Variants in PDK1 observed in about 807,000 individuals in gnomAD.
PDK1 encodes the protein pyruvate dehydrogenase kinase 1.
Under a neutral mutation model 54.2 loss-of-function variants are expected in PDK1, and 39 were observed. That is an observed-to-expected ratio of 0.72 (90% confidence interval 0.56 to 0.94). The LOEUF is 0.94. Among genes scored for constraint, PDK1 ranks in the 40% least tolerant of loss-of-function variants. The pLI is 0.00. For synonymous variants in PDK1, 221 were observed against 207.1 expected, an observed-to-expected ratio of 1.07 and a Z score of -0.58; for missense variants, 552 against 566.0, an observed-to-expected ratio of 0.98 and a Z score of 0.25.
chr2:172,704,629 A>C, the PDK1 span, among the ~76,000 whole-genome samples: 1 of 152,206 alleles, frequency 6.6e-6, no homozygotes, highest in Non-Finnish European at 1.5e-5. Context: ...GTCTTTAAAA[A>C]TGCCATGCTC....
the PDK1 span, among the ~76,000 whole-genome samples, chr2:172,684,880 T>C: frequency 1.3e-5 from 2 of 152,184 alleles, no homozygotes; most frequent in Non-Finnish European, 2.9e-5. Context: ...TCATCTTGAA[T>C]TGTAATTCCC....
intron 8 of PDK1, among the ~76,000 whole-genome samples, chr2:172,585,191 G>GTCT (rs1690150132): frequency 6.6e-6 from 1 of 151,418 alleles, no homozygotes; most frequent in African/African-American, 2.4e-5. Context: ...TAGCGATGGG[G>GTCT]TCTTACTCTG....
At chr2:172,590,531 G>A (rs933400638) in intron 9 of PDK1, among the ~76,000 whole-genome samples, 1 of 152,158 alleles carries the variant, frequency 6.6e-6, no homozygotes, top group South Asian at 2.1e-4. Context: ...GGAGTTGTTT[G>A]TTCCTCCTGG....
At chr2:172,656,378 A>G in the PDK1 span, among the ~76,000 whole-genome samples, 1 of 152,152 alleles carries the variant, frequency 6.6e-6, no homozygotes, top group Non-Finnish European at 1.5e-5. Context: ...CAGTCCTATG[A>G]TTAAGTCTCA....
At chr2:172,574,191 T>C (rs1369110790) in intron 8 of PDK1, among the ~76,000 whole-genome samples, 1 of 152,240 alleles carries the variant, frequency 6.6e-6, no homozygotes, top group Non-Finnish European at 1.5e-5. Flanking sequence ...AAACCTATTC[T>C]TTCCCCATTC....
At chr2:172,624,972 G>A in the PDK1 span, among the ~76,000 whole-genome samples, 75 of 151,622 alleles carry the variant, frequency 4.9e-4, no homozygotes, top group African/African-American at 1.3e-3. Context: ...TGGGCAACAA[G>A]AGTGAAACTC....
chr2:172,689,053 GT>G, the PDK1 span, among the ~76,000 whole-genome samples: 5 of 152,210 alleles, frequency 3.3e-5, no homozygotes, highest in Admixed American at 2.6e-4. Flanking sequence ...GGACCCGAGT[GT>G]GTTGCCACTG....
At chr2:172,693,191 G>A in the PDK1 span, among the ~76,000 whole-genome samples, 3 of 152,244 alleles carry the variant, frequency 2.0e-5, no homozygotes, top group Non-Finnish European at 4.4e-5. Context: ...GTGGTGATAG[G>A]AAAAATACAT....
intron 8 of PDK1, among the ~76,000 whole-genome samples, chr2:172,573,598 CTATA>C (rs1689411849): frequency 6.7e-6 from 1 of 149,782 alleles, no homozygotes; most frequent in Non-Finnish European, 1.5e-5. Context: ...TATATACACC[CTATA>C]TATATTCTAT....
chr2:172,695,101 G>C, the PDK1 span, among the ~76,000 whole-genome samples: 1 of 152,206 alleles, frequency 6.6e-6, no homozygotes, highest in South Asian at 2.1e-4. Context: ...CTGGGTGACA[G>C]AGTGAGACCC....
At chr2:172,592,073 G>C (rs967923900) in intron 9 of PDK1, among the ~76,000 whole-genome samples, 4 of 152,196 alleles carry the variant, frequency 2.6e-5, no homozygotes, top group African/African-American at 9.7e-5. Context: ...TTCAGATTTA[G>C]ATCCCCTGTT....
At chr2:172,614,183 C>A in the PDK1 span, among the ~76,000 whole-genome samples, 1 of 150,002 alleles carries the variant, frequency 6.7e-6, no homozygotes, top group Non-Finnish European at 1.5e-5. Context: ...CCCCCCCCCC[C>A]AACCCCCATC....
At chr2:172,579,833 CTG>C (rs1689799176) in intron 8 of PDK1, among the ~76,000 whole-genome samples, 1 of 151,400 alleles carries the variant, frequency 6.6e-6, no homozygotes, top group South Asian at 2.1e-4. Flanking sequence ...TTCCTTTTCA[CTG>C]TGTGTTTAGT....
At chr2:172,667,066 C>A in the PDK1 span, among the ~76,000 whole-genome samples, 1 of 152,198 alleles carries the variant, frequency 6.6e-6, no homozygotes, top group South Asian at 2.1e-4. Flanking sequence ...GTGTAACCAT[C>A]ATTCAAATAA....
chr2:172,697,637 G>C, the PDK1 span, among the ~76,000 whole-genome samples: 72 of 152,098 alleles, frequency 4.7e-4, no homozygotes, highest in Non-Finnish European at 7.1e-4. Flanking sequence ...AATTACATGT[G>C]GTTCTCCCCA....
intron 3 of PDK1, chr2:172,562,925 CAGTT>C (rs796435000): frequency 1.8e-5 from 14 of 763,786 alleles, no homozygotes; most frequent in East Asian, 1.1e-4. Flanking sequence ...CTCTTGTCCT[CAGTT>C]AGTTACACAT....
At chr2:172,675,838 A>T in the PDK1 span, among the ~76,000 whole-genome samples, 1 of 152,182 alleles carries the variant, frequency 6.6e-6, no homozygotes, top group South Asian at 2.1e-4. Flanking sequence ...TTTCAGAATT[A>T]GAGAGAAGAA....
At chr2:172,635,929 T>G in the PDK1 span, among the ~76,000 whole-genome samples, 1 of 152,210 alleles carries the variant, frequency 6.6e-6, no homozygotes, top group Non-Finnish European at 1.5e-5. Flanking sequence ...TGCCTTGGCT[T>G]TCCTGTGGAA....
At chr2:172,632,332 A>G in the PDK1 span, among the ~76,000 whole-genome samples, 1 of 152,272 alleles carries the variant, frequency 6.6e-6, no homozygotes, top group South Asian at 2.1e-4. Flanking sequence ...TTAAACTTAT[A>G]GATTAATATA....
Sources: gnomAD v4.1 joint callset for allele counts (sites outside exome capture counted in the v4.1 genomes callset) on GRCh38, gnomAD v4.1.1 for gene constraint, MANE v1.5 for transcripts, NCBI Gene and HGNC (gene_info 2026-07-23, HGNC 2026-07-21) for gene names.